Variants in DMD observed in about 807,000 individuals in gnomAD.
DMD encodes mutant dystrophin.
In DMD, 63 loss-of-function variants were observed where a neutral mutation model predicts 330.1. The ratio of observed to expected loss-of-function variants is 0.19; its 90% confidence interval spans 0.16 to 0.24. The LOEUF is 0.24. Ranked by LOEUF, DMD falls within the 10% of genes least tolerant of loss-of-function variation. The probability of loss-of-function intolerance (pLI) is 1.00; values close to 1 mark genes in which losing one functional copy is unlikely to be tolerated. For missense variants in DMD, 3,344 were observed against 2,684.1 expected, an observed-to-expected ratio of 1.25 and a Z score of -5.43; for synonymous variants, 1,223 against 959.8, an observed-to-expected ratio of 1.27 and a Z score of -5.07.
At chrX:31,377,487 AT>A (rs1446703575) in intron 60 of DMD, among the ~76,000 whole-genome samples, 1 of 111,951 alleles carries the variant, frequency 8.9e-6, no homozygotes, top group African/African-American at 3.3e-5. Flanking sequence ...TCAACCTAAG[AT>A]TTTATTACTC....
At chrX:31,539,780 G>A (rs1290507022) in intron 55 of DMD, among the ~76,000 whole-genome samples, 1 of 112,190 alleles carries the variant, frequency 8.9e-6, no homozygotes, top group Non-Finnish European at 1.9e-5. Context: ...GTGTGAAGAG[G>A]TAACAACTGG....
intron 74 of DMD, among the ~76,000 whole-genome samples, chrX:31,152,356 G>T (rs754361756): frequency 3.6e-5 from 4 of 110,101 alleles, no homozygotes; most frequent in Non-Finnish European, 5.7e-5. Context: ...TAGAGGCAGG[G>T]TTTCACCATG....
intron 55 of DMD, among the ~76,000 whole-genome samples, chrX:31,607,024 T>G (rs1429789564): frequency 8.9e-6 from 1 of 111,984 alleles, no homozygotes; most frequent in Non-Finnish European, 1.9e-5. Context: ...TACTGCTACT[T>G]TTATTATTTA....
At chrX:33,213,036 C>T (rs894541465), upstream of DMD, among the ~76,000 whole-genome samples, 6 of 110,829 alleles carry the variant, frequency 5.4e-5, no homozygotes, top group African/African-American at 1.6e-4. Context: ...TACAACTTGT[C>T]GGTCCCAAAC....
intron 19 of DMD, among the ~76,000 whole-genome samples, chrX:32,494,571 T>C (rs1300994083): frequency 9.0e-6 from 1 of 111,245 alleles, no homozygotes; most frequent in Non-Finnish European, 1.9e-5. Context: ...ATCGACCTCA[T>C]AGGATACTTA....
chrX:32,877,066 A>G (rs972708531), intron 2 of DMD, among the ~76,000 whole-genome samples: 1 of 112,512 alleles, frequency 8.9e-6, no homozygotes, highest in African/African-American at 3.2e-5. Context: ...GTGTTATTTC[A>G]TAATCACAGC....
intron 41 of DMD, among the ~76,000 whole-genome samples, chrX:32,332,868 A>T (rs1164540608): frequency 9.0e-6 from 1 of 111,043 alleles, no homozygotes; most frequent in Admixed American, 9.7e-5. Flanking sequence ...ATTTGAAAGA[A>T]CGGTGCTTCC....
At chrX:32,647,749 T>A (rs1413363054) in intron 9 of DMD, among the ~76,000 whole-genome samples, 1 of 111,989 alleles carries the variant, frequency 8.9e-6, no homozygotes, top group East Asian at 2.8e-4. Flanking sequence ...CTAAATAAAG[T>A]ATGTTACGGC....
intron 2 of DMD, among the ~76,000 whole-genome samples, chrX:32,894,835 G>A (rs897318431): frequency 8.9e-6 from 1 of 112,180 alleles, no homozygotes; most frequent in Non-Finnish European, 1.9e-5. Context: ...TGTATGCATG[G>A]GTGTTTTTAC....
At chrX:31,786,929 A>C (rs1569410814) in intron 50 of DMD, among the ~76,000 whole-genome samples, 1 of 111,766 alleles carries the variant, frequency 8.9e-6, no homozygotes, top group Non-Finnish European at 1.9e-5. Flanking sequence ...TTCTCAAAAT[A>C]CTTTCTGTGT....
chrX:31,529,011 A>C (rs1383427757), intron 55 of DMD, among the ~76,000 whole-genome samples: 8 of 111,155 alleles, frequency 7.2e-5, no homozygotes, highest in African/African-American at 2.3e-4. Context: ...AAAACAGTTA[A>C]AGGAGTTTGA....
chrX:31,198,853 T>A (rs2043164749), intron 67 of DMD, among the ~76,000 whole-genome samples: 1 of 112,112 alleles, frequency 8.9e-6, no homozygotes, highest in Admixed American at 9.4e-5. Flanking sequence ...AACAGCTATG[T>A]TGGGATTAGA....
In DMD at chrX:31,483,108, G is replaced by C. The variant is rs553657900; in HGVS notation, c.8548-4005C>G. Reference sequence around the variant, plus strand: ...GTCGCCCAGGCTGGAGTGCAGTGGCGCAATCTCGGCTCACTGCAAGCTCCA... The same window carrying C: ...GTCGCCCAGGCTGGAGTGCAGTGGCCCAATCTCGGCTCACTGCAAGCTCCA... On this transcript the variant is annotated intron_variant, in intron 57 of 78. Coordinates refer to ENST00000357033, the MANE Select transcript of DMD (RefSeq NM_004006.3). 3.8e-4 allele frequency among the ~76,000 whole-genome samples: 38 copies of C among 99,726 alleles called. 1 individual carries two copies. In the South Asian group the frequency reaches 0.019, roughly 51 times the overall value. 86.6% of individuals were successfully genotyped at this position (99,726 alleles called of 115,157 possible).
chrX:32,418,971 T>TAAAAAAAAAAAAAAAA (rs1569561948), intron 29 of DMD, among the ~76,000 whole-genome samples: 1 of 18,933 alleles, frequency 5.3e-5, no homozygotes, highest in Non-Finnish European at 7.0e-5. Flanking sequence ...AGACTCTGTC[T>TAAAAAAAAAAAAAAAA]CAAAAAAAAA....
intron 55 of DMD, among the ~76,000 whole-genome samples, chrX:31,562,832 T>A (rs1286144189): frequency 2.7e-5 from 3 of 111,759 alleles, no homozygotes; most frequent in African/African-American, 9.8e-5. Context: ...GTTTTGTGTC[T>A]TGTTTAGAAA....
intron 43 of DMD, among the ~76,000 whole-genome samples, chrX:32,268,269 C>G (rs930727300): frequency 1.8e-5 from 2 of 111,597 alleles, no homozygotes; most frequent in Middle Eastern, 4.7e-3. Flanking sequence ...ATGTCTTAGC[C>G]TAAAGTCTAT....
At chrX:32,762,132 C>T (rs2072386355) in intron 7 of DMD, among the ~76,000 whole-genome samples, 1 of 103,277 alleles carries the variant, frequency 9.7e-6, no homozygotes, top group Non-Finnish European at 2.0e-5. Context: ...GTCTAGGTGA[C>T]AGAGCAAGAC....
chrX:32,493,164 A>G (rs973360716), intron 19 of DMD, among the ~76,000 whole-genome samples: 1 of 111,571 alleles, frequency 9.0e-6, no homozygotes, highest in Non-Finnish European at 1.9e-5. Flanking sequence ...CAACAACTAT[A>G]TTATTTTATC....
intron 44 of DMD, among the ~76,000 whole-genome samples, chrX:32,122,232 G>A (rs2096639836): frequency 1.8e-5 from 2 of 111,737 alleles, no homozygotes; most frequent in African/African-American, 6.5e-5. Context: ...TTCAAAGCAC[G>A]ATCAAGGCCA....
Sources: gnomAD v4.1 joint callset for allele counts (sites outside exome capture counted in the v4.1 genomes callset) on GRCh38, gnomAD v4.1.1 for gene constraint, MANE v1.5 for transcripts, NCBI Gene and HGNC (gene_info 2026-07-23, HGNC 2026-07-21) for gene names.